PSKH1: variants seen among roughly 807,000 people sequenced by gnomAD.
The protein encoded by PSKH1 is serine/threonine-protein kinase H1.
In PSKH1, 12 loss-of-function variants were observed where a neutral mutation model predicts 26.7. The ratio of observed to expected loss-of-function variants is 0.45; its 90% CI spans 0.29 to 0.73. The LOEUF (loss-of-function observed/expected upper bound fraction) is 0.73, where lower values mean the gene tolerates loss of function less well. Ranked by LOEUF, PSKH1 falls within the 30% of genes least tolerant of loss-of-function variation. The pLI is 0.11. For synonymous variants in PSKH1, 213 were observed against 234.3 expected, an observed-to-expected ratio of 0.91 and a Z score of 0.83; for missense variants, 431 against 595.2, an observed-to-expected ratio of 0.72 and a Z score of 2.87.
rs751642054 is a variant in PSKH1, at chr16:67,909,331, C to T, written c.582C>T (p.Asp194=). The T allele has an allele frequency of 1.8e-5, 29 of 1,613,954 alleles. No individual in the cohort carries two copies. Among genetic ancestry groups the T allele is most frequent in the African/African-American group, 2.7e-5 (2 of 74,896 alleles). Residue 194 remains aspartate, a synonymous_variant, in exon 2 of 3, where the codon GAC becomes GAT. Transcript: ENST00000291041. The surrounding 1 kb of genome is among the most constrained non-coding windows in gnomAD (Gnocchi z 7.8). ...CCAAGGGCTCCTTCACCGAGCGTGACGCCACGCGGGTGCTGCAGATGGTGC... is the reference window on the plus strand; with the variant it reads ...CCAAGGGCTCCTTCACCGAGCGTGATGCCACGCGGGTGCTGCAGATGGTGC... ...IIAKGSFTER[D]ATRVLQMVLD...
intron 1 of PSKH1, among the ~76,000 whole-genome samples, chr16:67,899,253 C>T (rs2058135180): frequency 6.6e-6 from 1 of 152,096 alleles, no homozygotes; most frequent in African/African-American, 2.4e-5. Flanking sequence ...GGTTTAACCA[C>T]CGATCTTGCC....
intron 1 of PSKH1, among the ~76,000 whole-genome samples, chr16:67,905,774 G>A (rs536481021): frequency 3.3e-5 from 5 of 152,244 alleles, no homozygotes; most frequent in South Asian, 4.2e-4. Context: ...CATGAGAATC[G>A]CTTGAACCCG....
Position 67,908,733 on chromosome 16 carries a change from A to AT in PSKH1, c.-16dup. The AT allele has an allele frequency of 1.3e-6, 2 of 1,559,634 alleles. No individual in the cohort carries two copies. Among genetic ancestry groups the AT allele is most frequent in the Non-Finnish European group, 1.7e-6 (2 of 1,148,776 alleles). On this transcript the variant is annotated 5_prime_UTR_variant, in exon 2 of 3. The change abolishes an upstream ATG in the 5' untranslated region. Coordinates refer to ENST00000291041, the MANE Select transcript of PSKH1 (RefSeq NM_006742.3). ...GGTCCTGCCAGCCTCGCTGGAGAGGATGCCCTCGTGTCCGTGATGGGCTGT... is the reference window on the plus strand; with the variant it reads ...GGTCCTGCCAGCCTCGCTGGAGAGGATTGCCCTCGTGTCCGTGATGGGCTGT...
chr16:67,927,697 G>T lies in PSKH1; in HGVS notation c.*55G>T. On this transcript the variant is annotated 3_prime_UTR_variant, in exon 3 of 3. Transcript: ENST00000291041. This position sits in a 1 kb window ranked among gnomAD's most constrained non-coding sequence, Gnocchi z 5.5. Reference sequence around the variant, plus strand: ...ACCCAGCCTGGCCACACACTGTGGTGCCATCTGGGTCCGATGCCCTCTCTG... The same window carrying T: ...ACCCAGCCTGGCCACACACTGTGGTTCCATCTGGGTCCGATGCCCTCTCTG... 1 of 1,532,756 alleles carries T rather than the reference G, an allele frequency of 6.5e-7. No individual in the cohort carries two copies. The highest frequency in any genetic ancestry group is 8.8e-7 in the Non-Finnish European group (1 of 1,141,720). The allele number at this position is 1,532,756 out of a possible 1,614,324, so 94.9% of individuals were successfully genotyped here. A position where few individuals can be genotyped will look rare whatever the true frequency, so the allele number is the denominator to read the frequency against.
intron 1 of PSKH1, among the ~76,000 whole-genome samples, chr16:67,902,374 C>G (rs746389850): frequency 4.6e-5 from 7 of 152,006 alleles, no homozygotes; most frequent in Non-Finnish European, 8.8e-5. Context: ...GATCTCGGCT[C>G]ACTGCAGCCT....
chr16:67,893,566 G>A (rs2058117867), intron 1 of PSKH1, among the ~76,000 whole-genome samples, 195 bp downstream of exon 1: 1 of 152,230 alleles, frequency 6.6e-6, no homozygotes, highest in South Asian at 2.1e-4. Flanking sequence ...GTCCGAGTCT[G>A]GACTGGCCTC....
At chr16:67,897,619 A>T (rs2058130043) in intron 1 of PSKH1, among the ~76,000 whole-genome samples, 1 of 152,184 alleles carries the variant, frequency 6.6e-6, no homozygotes, top group African/African-American at 2.4e-5. Flanking sequence ...GACCCACAGC[A>T]GGAATTCAGT....
intron 1 of PSKH1, among the ~76,000 whole-genome samples, chr16:67,903,469 C>CCT (rs531346810): frequency 2.0e-3 from 306 of 151,916 alleles, no homozygotes; most frequent in South Asian, 0.012. Context: ...CTCATTTTTT[C>CCT]CTCTCTCTCT....
At chr16:67,904,378 A>G (rs991400440) in intron 1 of PSKH1, among the ~76,000 whole-genome samples, 2 of 151,100 alleles carry the variant, frequency 1.3e-5, no homozygotes, top group Non-Finnish European at 2.9e-5. Context: ...ATATTTTTGT[A>G]TTTTTTTGGT....
At chr16:67,898,727 A>G (rs1183275878) in intron 1 of PSKH1, among the ~76,000 whole-genome samples, 1 of 150,862 alleles carries the variant, frequency 6.6e-6, no homozygotes, top group Non-Finnish European at 1.5e-5. Flanking sequence ...GGGTTCAAGC[A>G]GTTCCCTGCC....
chr16:67,895,325 G>T (rs2058123385), intron 1 of PSKH1, among the ~76,000 whole-genome samples: 1 of 151,646 alleles, frequency 6.6e-6, no homozygotes, highest in Non-Finnish European at 1.5e-5. Flanking sequence ...TTGGCCTCCC[G>T]AAGTTTTAGG....
chr16:67,893,831 C>T (rs1259291561), intron 1 of PSKH1, among the ~76,000 whole-genome samples: 1 of 152,214 alleles, frequency 6.6e-6, no homozygotes, highest in African/African-American at 2.4e-5. Flanking sequence ...GGTCTGAGTC[C>T]AGCTGGGTTG....
intron 1 of PSKH1, among the ~76,000 whole-genome samples, chr16:67,905,864 AAAAC>A (rs1401316490): frequency 1.1e-4 from 17 of 152,166 alleles, no homozygotes; most frequent in Non-Finnish European, 4.4e-5. Context: ...CAAAAAAAGA[AAAAC>A]AAAATTATTT....
At chr16:67,906,399 C>T (rs1377436282) in intron 1 of PSKH1, among the ~76,000 whole-genome samples, 2 of 133,796 alleles carry the variant, frequency 1.5e-5, no homozygotes, top group Non-Finnish European at 1.6e-5. Flanking sequence ...TAAGACAGAT[C>T]TCTGTTGCCC....
rs55913417 is a variant in PSKH1, at chr16:67,909,101, C to A, written c.352C>A (p.Arg118=). ...SFSRVVRVEH[R]ATRQPYAIKM... is the part of the protein sequence containing the mutation. The stretch of plus-strand genomic sequence containing the variant: ...CAGCCGAGTGGTACGTGTAGAGCAC[C>A]GGGCAACCCGGCAGCCGTATGCCAT... The change falls in exon 2 of 3, where the codon CGG becomes AGG. Residue 118 remains arginine, a synonymous_variant. Transcript: ENST00000291041. This position sits in a 1 kb window ranked among gnomAD's most constrained non-coding sequence, Gnocchi z 7.8. 31 of 1,613,614 alleles carry A rather than the reference C, an allele frequency of 1.9e-5. No homozygotes were observed. In the East Asian group the frequency reaches 6.5e-4, roughly 34 times the overall value.
rs556674032 is a variant in PSKH1, at chr16:67,913,480, A to T, written c.957+3774A>T. Among the ~76,000 whole-genome samples, 218 of 151,998 alleles carry T rather than the reference A, an allele frequency of 1.4e-3. 1 individual carries two copies. The highest frequency in any genetic ancestry group is 1.2e-3 in the Non-Finnish European group (81 of 67,956). On this transcript the variant is annotated intron_variant, in intron 2 of 2. Transcript: ENST00000291041. The stretch of plus-strand genomic sequence containing the variant: ...TGTCTTAAAAAAAATTTTTTTTTTT[A>T]AAAAGCCTGTCCTGGTGTTCTGGGA...
chr16:67,913,661 G>A (rs2058179269), intron 2 of PSKH1, among the ~76,000 whole-genome samples: 1 of 152,162 alleles, frequency 6.6e-6, no homozygotes, highest in Non-Finnish European at 1.5e-5. Context: ...ATGCAGAAAA[G>A]TAAAGAGAAA....
intron 1 of PSKH1, among the ~76,000 whole-genome samples, chr16:67,898,321 C>T (rs1420953946): frequency 6.6e-6 from 1 of 152,076 alleles, no homozygotes; most frequent in African/African-American, 2.4e-5. Flanking sequence ...ACGAGAACCG[C>T]TTGAACCTGG....
chr16:67,901,458 A>G (rs145287928), intron 1 of PSKH1, among the ~76,000 whole-genome samples: 7,309 of 151,926 alleles, frequency 0.048, 550 homozygotes, highest in African/African-American at 0.16. Flanking sequence ...CAGCCTCCTG[A>G]GTAGCTGCGA....
Sources: gnomAD v4.1 joint callset for allele counts (sites outside exome capture counted in the v4.1 genomes callset) on GRCh38, gnomAD v4.1.1 for gene constraint, Gnocchi (gnomAD v3.1) non-coding constraint, MANE v1.5 for transcripts, NCBI Gene and HGNC (gene_info 2026-07-23, HGNC 2026-07-21) for gene names.